CHRM5: variants seen among roughly 807,000 people sequenced by gnomAD.
CHRM5 encodes cholinergic receptor muscarinic 5.
In CHRM5, 18 loss-of-function variants were observed where a neutral mutation model predicts 39.0. The ratio of observed to expected loss-of-function variants is 0.46; its 90% CI spans 0.32 to 0.68. CHRM5 has a LOEUF of 0.68. CHRM5 is among the 30% of genes least tolerant of loss of function. The pLI is 0.04. For synonymous variants in CHRM5, 241 were observed against 246.3 expected (o/e 0.98, Z 0.20); for missense variants, 515 against 651.1 (o/e 0.79, Z 2.28).
intron 1 of CHRM5, among the ~76,000 whole-genome samples, chr15:34,021,609 C>T (rs896160582): frequency 6.6e-6 from 1 of 152,080 alleles, no homozygotes; most frequent in Admixed American, 6.5e-5. Flanking sequence ...AATCCCAGCA[C>T]TTTGGGAGGC....
intron 1 of CHRM5, among the ~76,000 whole-genome samples, chr15:34,036,016 G>A (rs1195216824): frequency 1.3e-5 from 2 of 151,810 alleles, no homozygotes; most frequent in African/African-American, 2.4e-5. Context: ...GTCTGGTCTC[G>A]AACTCCCAGA....
chr15:33,991,406 T>C (rs554283688), intron 1 of CHRM5: 5 of 152,090 alleles, frequency 3.3e-5, no homozygotes, highest in Admixed American at 6.6e-5. Context: ...GGATACCCAA[T>C]TTTCCATGAT....
intron 1 of CHRM5, chr15:34,038,649 C>CACGCAG: frequency 1.2e-6 from 1 of 845,568 alleles, no homozygotes; most frequent in Non-Finnish European, 1.5e-6. Flanking sequence ...CCGCCCGTCC[C>CACGCAG]GCGCAGGCGC....
chr15:34,032,614 G>A (rs1206970411), intron 1 of CHRM5, among the ~76,000 whole-genome samples: 2 of 152,010 alleles, frequency 1.3e-5, no homozygotes, highest in East Asian at 3.8e-4. Context: ...AACGGAGTGT[G>A]CACATACCTA....
At chr15:34,040,998 C>T (rs1172392736) in intron 1 of CHRM5, among the ~76,000 whole-genome samples, 3 of 151,922 alleles carry the variant, frequency 2.0e-5, no homozygotes, top group Non-Finnish European at 4.4e-5. Flanking sequence ...AAATATCTAC[C>T]AGCATATCAC....
At chr15:33,980,869 T>C (rs1404547617) in intron 1 of CHRM5, among the ~76,000 whole-genome samples, 1 of 152,090 alleles carries the variant, frequency 6.6e-6, no homozygotes. Flanking sequence ...CAAAATATAA[T>C]GGAAAAAATA....
chr15:34,047,324 G>A (rs962965201), intron 2 of CHRM5, among the ~76,000 whole-genome samples: 5 of 152,150 alleles, frequency 3.3e-5, no homozygotes, highest in East Asian at 1.9e-4. Context: ...TGATCCGCCC[G>A]TGTCAGCCTC....
chr15:33,990,630 T>A (rs1303128392), intron 1 of CHRM5: 1 of 152,230 alleles, frequency 6.6e-6, no homozygotes. Context: ...GTACAGTCTC[T>A]GCTAGCGATC....
Position 34,065,816 on chromosome 15 carries a change from TGTCA to T in CHRM5, c.*1502_*1505del, listed in dbSNP as rs1298894103. ...AAGGATTTTAAAGATGAAGCACTCC[TGTCA>T]GACATTATTTAACTCGTTGGTTACA... On this transcript the variant is annotated 3_prime_UTR_variant, in exon 3 of 3. Transcript: ENST00000383263. 6.6e-6 allele frequency: 1 copy of T among 152,220 alleles called. No individual in the cohort carries two copies. Among genetic ancestry groups the T allele is most frequent in the African/African-American group, 2.4e-5 (1 of 41,446 alleles). The allele number at this position is 152,220 out of a possible 1,614,324, so 9.4% of individuals were successfully genotyped here. A position where few individuals can be genotyped will look rare whatever the true frequency, so the allele number is the denominator to read the frequency against.
chr15:34,026,903 G>A (rs988419008), intron 1 of CHRM5, among the ~76,000 whole-genome samples: 27 of 152,102 alleles, frequency 1.8e-4, no homozygotes, highest in Admixed American at 1.2e-3. Context: ...TGTGGCCTAC[G>A]TATAATAGAA....
At chr15:33,988,672 T>C (rs1481091174) in intron 1 of CHRM5, among the ~76,000 whole-genome samples, 1 of 152,224 alleles carries the variant, frequency 6.6e-6, no homozygotes, top group Non-Finnish European at 1.5e-5. Flanking sequence ...CTGAGGACAC[T>C]GGGTGTGCTC....
intron 2 of CHRM5, among the ~76,000 whole-genome samples, chr15:34,060,185 C>T (rs549410225): frequency 6.6e-6 from 1 of 152,198 alleles, no homozygotes; most frequent in African/African-American, 2.4e-5. Context: ...GCTTCAACAA[C>T]TTGAAGAATG....
chr15:33,996,094 G>A (rs1402708134), intron 1 of CHRM5, among the ~76,000 whole-genome samples: 2 of 152,254 alleles, frequency 1.3e-5, no homozygotes, highest in Admixed American at 6.5e-5. Flanking sequence ...AGCAGTCTGA[G>A]ATAGACCTGT....
chr15:33,984,565 G>A (rs781285789), intron 1 of CHRM5, among the ~76,000 whole-genome samples: 7 of 152,028 alleles, frequency 4.6e-5, no homozygotes, highest in Non-Finnish European at 8.8e-5. Flanking sequence ...ATCACACCCG[G>A]CTAATTTTGT....
intron 1 of CHRM5, among the ~76,000 whole-genome samples, chr15:33,971,570 T>C (rs891616424): frequency 6.6e-6 from 1 of 152,110 alleles, no homozygotes; most frequent in African/African-American, 2.4e-5. Context: ...CAACATAATT[T>C]TGTATATAAA....
chr15:34,022,450 G>A (rs535780553), intron 1 of CHRM5, among the ~76,000 whole-genome samples: 2 of 152,268 alleles, frequency 1.3e-5, no homozygotes, highest in East Asian at 3.9e-4. Context: ...CTACAGAAGG[G>A]AGAAAGCTTT....
At chr15:33,999,052 T>A (rs1455082972) in intron 1 of CHRM5, among the ~76,000 whole-genome samples, 1 of 152,242 alleles carries the variant, frequency 6.6e-6, no homozygotes, top group African/African-American at 2.4e-5. Context: ...CATGTGCCAA[T>A]GCAGATTTAT....
Position 34,062,841 on chromosome 15 carries a change from C to A in CHRM5, c.124C>A (p.Leu42Met), listed in dbSNP as rs770776737. Residue 42 changes from leucine to methionine, a missense_variant, in exon 3 of 3, where the codon CTG (leucine) becomes ATG (methionine). Transcript: ENST00000383263. ...TIAAVTAVVSLITIVGNVLVM... is the reference protein window; with the variant it reads ...TIAAVTAVVSMITIVGNVLVM... Reference sequence around the variant, plus strand: ...TGCAGCTGTGACTGCTGTGGTAAGCCTGATCACCATTGTGGGCAATGTCTT... The same window carrying A: ...TGCAGCTGTGACTGCTGTGGTAAGCATGATCACCATTGTGGGCAATGTCTT... 1 of 1,614,226 alleles carries A rather than the reference C, an allele frequency of 6.2e-7. No homozygotes were observed. Among genetic ancestry groups the A allele is most frequent in the South Asian group, 1.1e-5 (1 of 91,086 alleles).
chr15:34,058,919 C>T (rs1021178198), intron 2 of CHRM5, among the ~76,000 whole-genome samples: 2 of 152,070 alleles, frequency 1.3e-5, no homozygotes, highest in African/African-American at 4.8e-5. Flanking sequence ...TCTTTTGAAA[C>T]AGAGTCTCAC....
Sources: allele counts gnomAD v4.1 joint callset (sites outside exome capture counted in the v4.1 genomes callset), GRCh38; gene constraint gnomAD v4.1.1; transcripts MANE v1.5; gene names NCBI Gene and HGNC (gene_info 2026-07-23, HGNC 2026-07-21).